OPA1: variants seen among roughly 807,000 people sequenced by gnomAD.
OPA1 encodes OPA1 mitochondrial dynamin like GTPase, also known as dynamin-like GTPase OPA1, mitochondrial.
OPA1 carries 59 observed loss-of-function variants against 152.9 expected under a neutral mutation model. The observed-to-expected ratio is 0.39, with a 90% confidence interval of 0.31 to 0.48. OPA1 has a LOEUF of 0.48. Ranked by LOEUF, OPA1 falls within the 20% of genes least tolerant of loss-of-function variation. The probability of loss-of-function intolerance (pLI) is 0.96; values close to 1 mark genes in which losing one functional copy is unlikely to be tolerated. For synonymous variants in OPA1, 400 were observed against 389.9 expected (o/e 1.03, Z -0.31); for missense variants, 1,008 against 1,216.8 (o/e 0.83, Z 2.55).
At chr3:193,624,402 A>G (rs944015537) in intron 6 of OPA1, 1 of 152,330 alleles carries the variant, frequency 6.6e-6, no homozygotes, top group South Asian at 2.1e-4. Flanking sequence ...AAACCAACAT[A>G]GGAAGCCTTC....
intron 9 of OPA1, 35 bp from the exon 10 acceptor site, chr3:193,637,160 C>T: frequency 2.6e-6 from 3 of 1,162,732 alleles, no homozygotes; most frequent in East Asian, 2.6e-5. Flanking sequence ...TTTACTTTTA[C>T]TGTTTTATAT....
At chr3:193,634,504 G>A (rs1384856365) in intron 8 of OPA1, among the ~76,000 whole-genome samples, 3 of 151,804 alleles carry the variant, frequency 2.0e-5, no homozygotes, top group Non-Finnish European at 2.9e-5. Flanking sequence ...TGCAACCTCC[G>A]CCTCCCGGGT....
chr3:193,666,973 A>G (rs1034528621), intron 28 of OPA1, among the ~76,000 whole-genome samples, 197 bp from the exon 29 acceptor site: 1 of 152,164 alleles, frequency 6.6e-6, no homozygotes, highest in Non-Finnish European at 1.5e-5. Context: ...GCTTAAGAAT[A>G]TGACATTCTC....
At chr3:193,603,713 G>A (rs1447810084) in intron 1 of OPA1, among the ~76,000 whole-genome samples, 1 of 152,222 alleles carries the variant, frequency 6.6e-6, no homozygotes, top group East Asian at 1.9e-4. Context: ...TTGACTTGAA[G>A]AGTTCGCTTC....
chr3:193,631,555 G>A, intron 7 of OPA1, 57 bp from the exon 8 acceptor site: 1 of 1,287,208 alleles, frequency 7.8e-7, no homozygotes, highest in Non-Finnish European at 1.1e-6. Flanking sequence ...AATTTAACTT[G>A]CTGTACATTC....
intron 29 of OPA1, among the ~76,000 whole-genome samples, chr3:193,681,322 T>C (rs550378249): frequency 9.5e-4 from 144 of 152,320 alleles, no homozygotes; most frequent in Admixed American, 3.1e-3. Context: ...GCTAATAATA[T>C]ATCTTCTGTG....
chr3:193,637,911 A>G (rs1733188526), intron 10 of OPA1, 41 bp from the exon 11 acceptor site: 1 of 1,478,786 alleles, frequency 6.8e-7, no homozygotes, highest in Non-Finnish European at 9.4e-7. Flanking sequence ...TTAATTTGGT[A>G]TCAGAAAAAT....
intron 1 of OPA1, among the ~76,000 whole-genome samples, chr3:193,606,248 T>A (rs978174075): frequency 2.0e-5 from 3 of 152,202 alleles, no homozygotes; most frequent in Non-Finnish European, 2.9e-5. Flanking sequence ...TAAAAATATT[T>A]TCCAAAGTGT....
At position 193,613,573 on chromosome 3, in the gene OPA1, G is replaced by T. The variant is rs1405442008; in HGVS notation, c.33-1150G>T. On this transcript the variant is annotated intron_variant, in intron 1 of 30. Transcript: ENST00000361510. ...CCTCCTCCTTCTTTGTTTTTTTTTT[G>T]TTTGTTTGTTTGTTTTTTTTTGGAG... is the stretch of plus-strand genomic sequence containing the variant. Among the ~76,000 whole-genome samples, 184 of 147,580 alleles carry T rather than the reference G, an allele frequency of 1.2e-3. 1 individual carries two copies. The highest frequency in any genetic ancestry group is 3.9e-3 in the African/African-American group (156 of 40,082).
intron 6 of OPA1, chr3:193,619,688 T>C (rs1276453708): frequency 2.0e-5 from 3 of 152,194 alleles, no homozygotes. Context: ...AAATAATACC[T>C]AGATAATAGA....
rs771119977 is a variant in OPA1, at chr3:193,626,058, A to G, written c.679-34A>G. 2.0e-5 allele frequency: 30 copies of G among 1,518,150 alleles called. No individual in the cohort carries two copies. The East Asian group carries it at 4.3e-4, about 22-fold the overall frequency. The allele number at this position is 1,518,150 out of a possible 1,614,324, so 94.0% of individuals were successfully genotyped here. A position where few individuals can be genotyped will look rare whatever the true frequency, so the allele number is the denominator to read the frequency against. ...TGGTTTAACATTATTCTCCTCCCCA[A>G]TTTCCTCTTCTCCTCATTGTGAACT... On this transcript the variant is annotated intron_variant, in intron 6 of 30. Transcript: ENST00000361510.
At chr3:193,617,666 G>C (rs1729270969) in intron 4 of OPA1, 118 bp from the exon 5 acceptor site, 14 of 775,122 alleles carry the variant, frequency 1.8e-5, no homozygotes, top group Non-Finnish European at 3.2e-5. Flanking sequence ...TTTAATCCTG[G>C]CATATTTGCC....
intron 7 of OPA1, 122 bp downstream of exon 7, chr3:193,626,324 A>T (rs1731133063): frequency 1.5e-5 from 11 of 740,672 alleles, no homozygotes; most frequent in Middle Eastern, 2.3e-4. Flanking sequence ...ACAAAGTGAA[A>T]ATATAAAAGA....
intron 1 of OPA1, among the ~76,000 whole-genome samples, chr3:193,596,197 CTTT>C (rs558965633): frequency 0.37 from 39,339 of 106,336 alleles, 6,198 homozygotes; most frequent in Non-Finnish European, 0.38. Flanking sequence ...TGTTTTTCAC[CTTT>C]TTTTTTTTTT....
rs1732095799 is a variant in OPA1 at position 193,631,684 on chromosome 3, A to G, written c.843+19A>G. On this transcript the variant is annotated intron_variant, in intron 8 of 30. Coordinates refer to ENST00000361510, the MANE Select transcript of OPA1 (RefSeq NM_130837.3). ...CACTCAGGTAATCATGATGACTAAG[A>G]AAAACTAGGGACTTTTAAAAATTAT... The G allele has an allele frequency of 6.2e-7, 1 of 1,600,034 alleles. No homozygotes were observed. Among genetic ancestry groups the G allele is most frequent in the South Asian group, 1.1e-5 (1 of 90,142 alleles).
rs1295739541 is a variant in OPA1, at chr3:193,608,139, T to C, written c.33-6584T>C. 7.9e-5 allele frequency among the ~76,000 whole-genome samples: 12 copies of C among 152,290 alleles called. No individual in the cohort carries two copies. In the East Asian group the frequency reaches 2.3e-3, roughly 29 times the overall value. ...TAGCGGTCTATCAATTTTGTTGATCTTTTCGAAAAACCAGTTACTGGATTC... is the reference window on the plus strand; with the variant it reads ...TAGCGGTCTATCAATTTTGTTGATCCTTTCGAAAAACCAGTTACTGGATTC... On this transcript the variant is annotated intron_variant, in intron 1 of 30. Coordinates refer to ENST00000361510, the MANE Select transcript of OPA1 (RefSeq NM_130837.3).
intron 1 of OPA1, among the ~76,000 whole-genome samples, chr3:193,602,576 A>G (rs1053197425): frequency 2.6e-5 from 4 of 152,232 alleles, no homozygotes; most frequent in Non-Finnish European, 5.9e-5. Context: ...TAAGGGGTCA[A>G]TTTATGTTTT....
intron 8 of OPA1, 24 bp downstream of exon 8, chr3:193,631,689 C>G (rs560416170): frequency 5.0e-6 from 8 of 1,593,702 alleles, no homozygotes; most frequent in Middle Eastern, 1.7e-4. Context: ...CTAAGAAAAA[C>G]TAGGGACTTT....
At chr3:193,675,350 A>C (rs571555) in intron 29 of OPA1, among the ~76,000 whole-genome samples, 2 of 150,450 alleles carry the variant, frequency 1.3e-5, no homozygotes, top group South Asian at 2.1e-4. Context: ...AAAAAAAAAA[A>C]CACCCAATCA....
Sources: gnomAD v4.1 joint callset for allele counts (sites outside exome capture counted in the v4.1 genomes callset) on GRCh38, gnomAD v4.1.1 for gene constraint, MANE v1.5 for transcripts, NCBI Gene and HGNC (gene_info 2026-07-23, HGNC 2026-07-21) for gene names.